ITPR2: variants seen among roughly 807,000 people sequenced by gnomAD.
ITPR2 encodes the protein inositol 1,4,5-trisphosphate receptor type 2.
In ITPR2, 207 loss-of-function variants were observed where a neutral mutation model predicts 317.1. That is an observed-to-expected ratio of 0.65 (90% CI 0.58 to 0.73). ITPR2 has a LOEUF of 0.73. ITPR2 is among the 30% of genes least tolerant of loss of function. ITPR2 has a pLI of 0.00. For missense variants in ITPR2, 2,613 were observed against 3,284.0 expected (o/e 0.80, Z 4.99); for synonymous variants, 1,156 against 1,149.1 (o/e 1.01, Z -0.12).
At chr12:26,524,107 AAGGC>A (rs1397969907) in intron 37 of ITPR2, among the ~76,000 whole-genome samples, 5 of 152,254 alleles carry the variant, frequency 3.3e-5, no homozygotes, top group Admixed American at 3.3e-4. Context: ...AACGGGATAG[AAGGC>A]ATATGTAACA....
chr12:26,787,639 A>T (rs1013229777), intron 2 of ITPR2, among the ~76,000 whole-genome samples: 5 of 152,216 alleles, frequency 3.3e-5, no homozygotes, highest in African/African-American at 9.6e-5. Context: ...CTTCCTGACC[A>T]ACAGAGGAGT....
chr12:26,372,904 C>T (rs1939227993), intron 55 of ITPR2, among the ~76,000 whole-genome samples: 1 of 152,162 alleles, frequency 6.6e-6, no homozygotes, highest in Admixed American at 6.5e-5. Context: ...TGCCCCCCGA[C>T]CCCAGCCAGA....
At chr12:26,446,173 C>T (rs1009912351) in intron 45 of ITPR2, among the ~76,000 whole-genome samples, 1 of 151,964 alleles carries the variant, frequency 6.6e-6, no homozygotes, top group African/African-American at 2.4e-5. Flanking sequence ...TATAAAATAG[C>T]TAGGGAAAGT....
intron 2 of ITPR2, among the ~76,000 whole-genome samples, chr12:26,743,923 C>T (rs974759869): frequency 2.0e-5 from 3 of 152,046 alleles, no homozygotes; most frequent in African/African-American, 7.2e-5. Context: ...ACCTCATGTC[C>T]AAAACAATGA....
intron 52 of ITPR2, among the ~76,000 whole-genome samples, chr12:26,404,821 A>C (rs1042320210): frequency 1.3e-5 from 2 of 152,138 alleles, no homozygotes; most frequent in African/African-American, 4.8e-5. Flanking sequence ...AGTAATGATA[A>C]ACACAGGGGT....
intron 2 of ITPR2, among the ~76,000 whole-genome samples, chr12:26,742,932 A>G (rs963339529): frequency 6.6e-6 from 1 of 152,230 alleles, no homozygotes; most frequent in African/African-American, 2.4e-5. Context: ...GGTTCCATTT[A>G]CATGAAATGT....
intron 32 of ITPR2, among the ~76,000 whole-genome samples, chr12:26,583,733 T>C (rs1482091962): frequency 1.3e-5 from 2 of 152,214 alleles, no homozygotes; most frequent in African/African-American, 4.8e-5. Flanking sequence ...AGTGTGTCAC[T>C]AATGAGTACC....
chr12:26,477,280 T>C (rs2136825336), intron 43 of ITPR2, among the ~76,000 whole-genome samples: 1 of 152,218 alleles, frequency 6.6e-6, no homozygotes. Flanking sequence ...ACTTACTATA[T>C]ACCACACTAA....
At chr12:26,808,203 G>A (rs927304215) in intron 1 of ITPR2, among the ~76,000 whole-genome samples, 8 of 152,140 alleles carry the variant, frequency 5.3e-5, no homozygotes, top group Admixed American at 3.9e-4. Context: ...GCAAAATCCT[G>A]GTGTCATCAA....
Position 26,682,042 on chromosome 12 carries a change from G to A in ITPR2, c.1249-8C>T, listed in dbSNP as rs2136961455. On this transcript the variant is annotated splice_polypyrimidine_tract_variant and splice_region_variant and intron_variant, in intron 12 of 56. Transcript: ENST00000381340. ...GGTTTGGCAGGTTCCAATCTGAAAT[G>A]TTTTTCCATTAAGCTTAGTTTTATA... 1 of 1,607,480 alleles carries A rather than the reference G, an allele frequency of 6.2e-7. No homozygotes were observed. Among genetic ancestry groups the A allele is most frequent in the African/African-American group, 1.3e-5 (1 of 74,552 alleles).
At chr12:26,747,315 T>C (rs568839434) in intron 2 of ITPR2, among the ~76,000 whole-genome samples, 9 of 152,322 alleles carry the variant, frequency 5.9e-5, no homozygotes, top group Non-Finnish European at 1.2e-4. Flanking sequence ...CTCACTTAAC[T>C]GGCAGAATTG....
At chr12:26,438,279 A>G (rs1274245749) in intron 47 of ITPR2, among the ~76,000 whole-genome samples, 1 of 152,182 alleles carries the variant, frequency 6.6e-6, no homozygotes, top group Non-Finnish European at 1.5e-5. Context: ...CCACACCCCT[A>G]TATCTAAAGA....
intron 35 of ITPR2, among the ~76,000 whole-genome samples, chr12:26,560,538 G>A (rs1225090323): frequency 6.6e-6 from 1 of 152,046 alleles, no homozygotes; most frequent in East Asian, 1.9e-4. Context: ...CTCATGCCCT[G>A]TCTCTACTTC....
chr12:26,557,728 G>C (rs1389028577), intron 35 of ITPR2, among the ~76,000 whole-genome samples: 1 of 152,150 alleles, frequency 6.6e-6, no homozygotes, highest in African/African-American at 2.4e-5. Flanking sequence ...ACTTTTAGTT[G>C]AATGTTGTGT....
At position 26,424,721 on chromosome 12, in the gene ITPR2, C is replaced by G. The variant is rs185502098; in HGVS notation, c.6945+3192G>C. Among the ~76,000 whole-genome samples the G allele has an allele frequency of 3.1e-3, 463 of 151,000 alleles. 3 individuals are homozygous for G. The highest frequency in any genetic ancestry group is 0.011 in the African/African-American group (446 of 41,184). ...TCTCCTGCCTCAGCCTCCTGAGTAG[C>G]TGGGATTACAGGCACGAGCCACCAT... On this transcript the variant is annotated intron_variant, in intron 49 of 56. Transcript: ENST00000381340.
rs375926812 is a variant in ITPR2 at position 26,621,529 on chromosome 12, ACT to A, written c.3289-235_3289-234del. ...CACTGCTGAAGTTAATTTTTCTGAGACTCTGTTTGAAAAGAGGCAGAAACAAA... is the reference window on the plus strand; with the variant it reads ...CACTGCTGAAGTTAATTTTTCTGAGACTGTTTGAAAAGAGGCAGAAACAAA... On this transcript the variant is annotated intron_variant, in intron 25 of 56. Coordinates refer to ENST00000381340, the MANE Select transcript of ITPR2 (RefSeq NM_002223.4). Among the ~76,000 whole-genome samples, 82 of 152,266 alleles carry A rather than the reference ACT, an allele frequency of 5.4e-4. 2 individuals carry two copies. The East Asian group carries it at 0.016, about 29-fold the overall frequency.
intron 21 of ITPR2, among the ~76,000 whole-genome samples, chr12:26,652,911 C>T (rs1947288332): frequency 6.6e-6 from 1 of 152,174 alleles, no homozygotes; most frequent in Non-Finnish European, 1.5e-5. Context: ...TTTAGGGTAT[C>T]CAACCCAAGA....
At chr12:26,678,029 A>G (rs147271155) in intron 13 of ITPR2, among the ~76,000 whole-genome samples, 1 of 152,310 alleles carries the variant, frequency 6.6e-6, no homozygotes, top group East Asian at 1.9e-4. Flanking sequence ...TTAGCACTAC[A>G]TATAGCCATG....
chr12:26,804,754 G>A (rs2137250216), intron 1 of ITPR2, among the ~76,000 whole-genome samples: 1 of 151,606 alleles, frequency 6.6e-6, no homozygotes, highest in South Asian at 2.1e-4. Context: ...TATTTATTTT[G>A]AGACAAGGTC....
Sources: allele counts gnomAD v4.1 joint callset (sites outside exome capture counted in the v4.1 genomes callset), GRCh38; gene constraint gnomAD v4.1.1; transcripts MANE v1.5; gene names NCBI Gene and HGNC (gene_info 2026-07-23, HGNC 2026-07-21).